The following CCND1 variants were observed in gnomAD, a reference collection of about 807,000 sequenced individuals.
CCND1 encodes G1/S-specific cyclin-D1.
CCND1 carries 9 observed loss-of-function variants against 26.1 expected under a neutral mutation model. The ratio of observed to expected loss-of-function variants is 0.35; its 90% CI spans 0.21 to 0.60. The LOEUF (loss-of-function observed/expected upper bound fraction) is 0.60, where lower values mean the gene tolerates loss of function less well. Among genes scored for constraint, CCND1 ranks in the 20% least tolerant of loss-of-function variants. The probability of loss-of-function intolerance (pLI) is 0.79; values close to 1 mark genes in which losing one functional copy is unlikely to be tolerated. For missense variants in CCND1, 335 were observed against 392.9 expected, an observed-to-expected ratio of 0.85 and a Z score of 1.25; for synonymous variants, 194 against 166.1, an observed-to-expected ratio of 1.17 and a Z score of -1.29.
At position 69,648,019 on chromosome 11, in the gene CCND1, C is replaced by T. The variant is rs2120108753; in HGVS notation, c.600C>T (p.Pro200=). 6.2e-7 allele frequency: 1 copy of T among 1,614,014 alleles called. No individual in the cohort carries two copies. The highest frequency in any genetic ancestry group is 8.5e-7 in the Non-Finnish European group (1 of 1,180,022). The change falls in exon 4 of 5, where the codon CCC becomes CCT. Residue 200 remains proline (P), a synonymous_variant. Coordinates refer to ENST00000227507, the MANE Select transcript of CCND1 (RefSeq NM_053056.3). The part of the protein sequence containing the change: ...ATDVKFISNP[P]SMVAAGSVVA... ...ATGTGAAGTTCATTTCCAATCCGCC[C>T]TCCATGGTGGCAGCGGGGAGCGTGG... is the stretch of plus-strand genomic sequence containing the variant.
At chr11:69,642,897 C>T (rs1294914285) in intron 1 of CCND1, 134 bp from the exon 2 acceptor site, 9 of 475,304 alleles carry the variant, frequency 1.9e-5, no homozygotes, top group Non-Finnish European at 3.1e-5. Context: ...ACGGGAAGCT[C>T]CTGCCGCCCC....
In CCND1 at chr11:69,654,358, CTG is replaced by C. The variant is rs933149551; in HGVS notation, c.*3079_*3080del. ...GGGTCTGGGCGGCGGGCGGCTGGGTCTGTGCATTTCTGGTTGCACCGCGGCGC... is the reference window on the plus strand; with the variant it reads ...GGGTCTGGGCGGCGGGCGGCTGGGTCTGCATTTCTGGTTGCACCGCGGCGC... On this transcript the variant is annotated 3_prime_UTR_variant, in exon 5 of 5. Coordinates refer to ENST00000227507, the MANE Select transcript of CCND1 (RefSeq NM_053056.3). The surrounding 1 kb of genome is among the most constrained non-coding windows in gnomAD (Gnocchi z 6.3). The C allele has an allele frequency of 5.7e-6, 4 of 702,256 alleles. No homozygotes were observed. The Admixed American group carries it at 8.0e-5, about 14-fold the overall frequency. The allele number at this position is 702,256 out of a possible 1,614,324, so 43.5% of individuals were successfully genotyped here. A position where few individuals can be genotyped will look rare whatever the true frequency, so the allele number is the denominator to read the frequency against.
At chr11:69,644,578 G>A (rs544400768) in intron 3 of CCND1, among the ~76,000 whole-genome samples, 3 of 151,554 alleles carry the variant, frequency 2.0e-5, no homozygotes, top group African/African-American at 7.3e-5. Flanking sequence ...TGAGCCCTGA[G>A]GGGGCGCTTC....
rs1383820534 is a variant in CCND1 at position 69,648,197 on chromosome 11, C to G, written c.723+55C>G. On this transcript the variant is annotated intron_variant, in intron 4 of 4. Transcript: ENST00000227507. ...TGCCGGGGCTTACAGGGGGAGACAC[C>G]TAGTGCCACGGAAATGCCGAGGCTG... 4.4e-6 allele frequency: 7 copies of G among 1,599,152 alleles called. No individual in the cohort carries two copies. In the South Asian group the frequency reaches 6.6e-5, roughly 15 times the overall value.
rs538705602 is a variant in CCND1, at chr11:69,644,033, G to A, written c.574+42G>A. The A allele has an allele frequency of 4.4e-6, 7 of 1,604,376 alleles. No individual in the cohort carries two copies. The African/African-American group carries it at 8.0e-5, about 18-fold the overall frequency. On this transcript the variant is annotated intron_variant, in intron 3 of 4. Transcript: ENST00000227507. The stretch of plus-strand genomic sequence containing the variant: ...AGCCCCCGGCCTCCCCTTGAGAGCC[G>A]GCTCCTTAGGTGACCCTGGCCGGCT...
chr11:69,648,173 G>A (rs1565072789), intron 4 of CCND1, 31 bp downstream of exon 4: 2 of 1,612,330 alleles, frequency 1.2e-6, no homozygotes, highest in Admixed American at 3.3e-5. Context: ...AGGCAGCCTT[G>A]CCGGGGCTTA....
intron 3 of CCND1, among the ~76,000 whole-genome samples, chr11:69,646,544 C>T (rs139474634): frequency 1.3e-3 from 202 of 152,304 alleles, no homozygotes; most frequent in Non-Finnish European, 2.2e-3. Flanking sequence ...TGTTCCCGGG[C>T]GCTCAGTGGC....
chr11:69,641,913 TAA>T lies in CCND1; in HGVS notation c.198+404_198+405del, dbSNP rs1855708235. ...GGGGAGGGGGCATAGATTTGATTTT[TAA>T]ATTAATATCCATGGACACGTATGCA... On this transcript the variant is annotated intron_variant, in intron 1 of 4. Coordinates refer to ENST00000227507, the MANE Select transcript of CCND1 (RefSeq NM_053056.3). 3.3e-5 allele frequency among the ~76,000 whole-genome samples: 5 copies of T among 151,892 alleles called. No individual in the cohort carries two copies. In the South Asian group the frequency reaches 1.0e-3, roughly 32 times the overall value.
chr11:69,647,855 A>G, intron 3 of CCND1, 139 bp from the exon 4 acceptor site: 1 of 910,794 alleles, frequency 1.1e-6, no homozygotes, highest in Non-Finnish European at 1.6e-6. Flanking sequence ...GAGGGCCTGG[A>G]TGTGGAGCCT....
At position 69,652,989 on chromosome 11, in the gene CCND1, C is replaced by A. The variant is rs568668101; in HGVS notation, c.*1707C>A. The A allele has an allele frequency of 4.7e-4, 186 of 399,146 alleles. No individual in the cohort carries two copies. In the South Asian group the frequency reaches 9.2e-3, roughly 20 times the overall value. The allele number at this position is 399,146 out of a possible 1,614,324, so 24.7% of individuals were successfully genotyped here. On this transcript the variant is annotated 3_prime_UTR_variant, in exon 5 of 5. Transcript: ENST00000227507. Reference sequence around the variant, plus strand: ...GTGCAAGGAAAATTAGGGTACTCAACCTAAGTTCGGTTCCGATGAATTCTT... The same window carrying A: ...GTGCAAGGAAAATTAGGGTACTCAAACTAAGTTCGGTTCCGATGAATTCTT...
chr11:69,648,487 G>A (rs1418512946), intron 4 of CCND1, among the ~76,000 whole-genome samples: 1 of 152,262 alleles, frequency 6.6e-6, no homozygotes, highest in Non-Finnish European at 1.5e-5. Context: ...GGCGAGCTTT[G>A]TTTGGGCCAC....
chr11:69,643,076 A>G lies in CCND1; in HGVS notation c.244A>G (p.Met82Val), dbSNP rs1471534715. 2 of 1,609,262 alleles carry G rather than the reference A, an allele frequency of 1.2e-6. No homozygotes were observed. Among genetic ancestry groups the G allele is most frequent in the Non-Finnish European group, 1.7e-6 (2 of 1,178,288 alleles). The change falls in exon 2 of 5, where the codon ATG becomes GTG. Residue 82 changes from methionine (M) to valine (V), a missense_variant. Met to Val is a conservative substitution (Grantham distance 21). Coordinates refer to ENST00000227507, the MANE Select transcript of CCND1 (RefSeq NM_053056.3). ...CGAGGAGGAGGTCTTCCCGCTGGCC[A>G]TGAACTACCTGGACCGCTTCCTGTC... Reference protein sequence around the residue: ...KCEEEVFPLAMNYLDRFLSLE... With the variant: ...KCEEEVFPLAVNYLDRFLSLE...
rs1161296162 is a variant in CCND1 at position 69,653,314 on chromosome 11, T to G, written c.*2032T>G. ...CTTCTGTGTATCTCTTTCACATTGT[T>G]TGCTGCTATTGGAGGATCAGTTTTT... is the stretch of plus-strand genomic sequence containing the variant. On this transcript the variant is annotated 3_prime_UTR_variant, in exon 5 of 5. Coordinates refer to ENST00000227507, the MANE Select transcript of CCND1 (RefSeq NM_053056.3). 2.8e-6 allele frequency: 2 copies of G among 702,984 alleles called. No individual in the cohort carries two copies. Among genetic ancestry groups the G allele is most frequent in the Admixed American group, 4.0e-5 (2 of 50,014 alleles). 43.5% of individuals were successfully genotyped at this position (702,984 alleles called of 1,614,324 possible).
intron 4 of CCND1, among the ~76,000 whole-genome samples, chr11:69,650,623 A>C (rs529712214): frequency 7.5e-4 from 114 of 152,310 alleles, no homozygotes; most frequent in African/African-American, 2.7e-3. Context: ...CCCAGCATTC[A>C]TCCTCAGTCA....
rs932536509 is a variant in CCND1 at position 69,652,014 on chromosome 11, C to T, written c.*732C>T. 15 of 233,182 alleles carry T rather than the reference C, an allele frequency of 6.4e-5. No individual in the cohort carries two copies. Among genetic ancestry groups the T allele is most frequent in the Admixed American group, 5.6e-5 (1 of 17,772 alleles). The allele number at this position is 233,182 out of a possible 1,614,324, so 14.4% of individuals were successfully genotyped here. On this transcript the variant is annotated 3_prime_UTR_variant, in exon 5 of 5. Transcript: ENST00000227507. ...GCCTGTGACCACCACCCCAACAAAC[C>T]ATCCAGTGACAAACCATCCAGTGGA...
Position 69,641,317 on chromosome 11 carries a change from G to C in CCND1, c.4G>C (p.Glu2Gln), listed in dbSNP as rs572037183. The change falls in exon 1 of 5, where the codon GAA (glutamate) becomes CAA (glutamine). Residue 2 changes from glutamate (E) to glutamine (Q), a missense_variant. Glu to Gln is a conservative substitution (Grantham distance 29, BLOSUM62 2). Transcript: ENST00000227507. ...CTGCCCAGGAAGAGCCCCAGCCATG[G>C]AACACCAGCTCCTGTGCTGCGAAGT... M[E>Q]HQLLCCEVET... The C allele has an allele frequency of 6.2e-7, 1 of 1,611,392 alleles. No homozygotes were observed. The highest frequency in any genetic ancestry group is 2.2e-5 in the East Asian group (1 of 44,854).
chr11:69,653,520 G>A lies in CCND1; in HGVS notation c.*2238G>A, dbSNP rs1855882186. On this transcript the variant is annotated 3_prime_UTR_variant, in exon 5 of 5. Coordinates refer to ENST00000227507, the MANE Select transcript of CCND1 (RefSeq NM_053056.3). ...ATACCTCATGCTTCACTTAGCCATG[G>A]TGGACCCAGCGGGCAGGTTCTGCCT... 1.8e-6 allele frequency: 1 copy of A among 561,176 alleles called. No individual in the cohort carries two copies. The highest frequency in any genetic ancestry group is 3.1e-6 in the Non-Finnish European group (1 of 321,556). The allele number at this position is 561,176 out of a possible 1,614,324, so 34.8% of individuals were successfully genotyped here.
chr11:69,648,685 A>G (rs1855816172), intron 4 of CCND1, among the ~76,000 whole-genome samples: 1 of 148,338 alleles, frequency 6.7e-6, no homozygotes, highest in African/African-American at 2.4e-5. Flanking sequence ...CTTTTCTTAA[A>G]GAAAGAATTA....
intron 3 of CCND1, among the ~76,000 whole-genome samples, chr11:69,645,588 C>T (rs1355067304): frequency 6.6e-6 from 1 of 152,216 alleles, no homozygotes; most frequent in Non-Finnish European, 1.5e-5. Context: ...GGACCCACCC[C>T]TGCAAAGTGC....
Sources: allele counts gnomAD v4.1 joint callset (sites outside exome capture counted in the v4.1 genomes callset), GRCh38; gene constraint gnomAD v4.1.1; non-coding constraint Gnocchi (gnomAD v3.1); transcripts MANE v1.5; gene names NCBI Gene and HGNC (gene_info 2026-07-23, HGNC 2026-07-21).